OXR1: variants seen among roughly 807,000 people sequenced by gnomAD.
OXR1 encodes oxidation resistance protein 1.
Under a neutral mutation model 104.6 loss-of-function variants are expected in OXR1, and 41 were observed. That is an observed-to-expected ratio of 0.39 (90% CI 0.31 to 0.51). The LOEUF (loss-of-function observed/expected upper bound fraction) is 0.51. OXR1 is among the 20% of genes least tolerant of loss of function. The pLI is 0.77. For missense variants in OXR1, 955 were observed against 1,031.9 expected, an observed-to-expected ratio of 0.93 and a Z score of 1.02; for synonymous variants, 348 against 348.4, an observed-to-expected ratio of 1.00 and a Z score of 0.01.
chr8:106,352,785 A>G (rs1337748755), intron 1 of OXR1, among the ~76,000 whole-genome samples: 1 of 152,214 alleles, frequency 6.6e-6, no homozygotes, highest in Non-Finnish European at 1.5e-5. Context: ...AAGTAGATAG[A>G]TAGATATCGA....
intron 2 of OXR1, among the ~76,000 whole-genome samples, chr8:106,484,337 G>T (rs565088881): frequency 2.0e-5 from 3 of 152,134 alleles, no homozygotes; most frequent in South Asian, 2.1e-4. Context: ...AATGCTTGAG[G>T]TGATGGATAG....
chr8:106,362,259 G>A (rs951616360), intron 2 of OXR1, among the ~76,000 whole-genome samples: 3 of 152,156 alleles, frequency 2.0e-5, no homozygotes, highest in South Asian at 4.1e-4. Flanking sequence ...CTATGACATC[G>A]TATTAGTTGA....
At position 106,678,052 on chromosome 8, in the gene OXR1, A is replaced by G. The variant is rs557198190; in HGVS notation, c.221-1158A>G. Reference sequence around the variant, plus strand: ...AAATATTAACTTAACACTGTGTCAGATGCTGTGAAGGAGACATAAAGATGC... The same window carrying G: ...AAATATTAACTTAACACTGTGTCAGGTGCTGTGAAGGAGACATAAAGATGC... On this transcript the variant is annotated intron_variant, in intron 3 of 16. Transcript: ENST00000517566. Among the ~76,000 whole-genome samples the G allele has an allele frequency of 2.6e-5, 4 of 152,242 alleles. No individual in the cohort carries two copies. The South Asian group carries it at 8.3e-4, about 32-fold the overall frequency.
At chr8:106,639,672 TG>T (rs1260660302) in intron 3 of OXR1, among the ~76,000 whole-genome samples, 1 of 152,152 alleles carries the variant, frequency 6.6e-6, no homozygotes, top group Non-Finnish European at 1.5e-5. Flanking sequence ...TAGGGCAACT[TG>T]GCTAAGATTG....
At chr8:106,286,056 C>T (rs1475220318) in intron 1 of OXR1, among the ~76,000 whole-genome samples, 1 of 152,080 alleles carries the variant, frequency 6.6e-6, no homozygotes, top group African/African-American at 2.4e-5. Context: ...GTGAGTTGCT[C>T]AAGGATAGAT....
chr8:106,405,231 G>GTT (rs1818187651), intron 2 of OXR1, among the ~76,000 whole-genome samples: 1 of 126,108 alleles, frequency 7.9e-6, no homozygotes, highest in African/African-American at 3.3e-5. Flanking sequence ...GTGTGTGTGT[G>GTT]TGTGTGTGTA....
chr8:106,446,405 G>A (rs766657142), intron 2 of OXR1, among the ~76,000 whole-genome samples: 6 of 152,060 alleles, frequency 3.9e-5, no homozygotes, highest in Non-Finnish European at 5.9e-5. Flanking sequence ...AGATCACAAG[G>A]TCAGGAGTCC....
intron 3 of OXR1, among the ~76,000 whole-genome samples, chr8:106,666,880 G>C (rs941633029): frequency 1.3e-5 from 2 of 152,160 alleles, no homozygotes; most frequent in African/African-American, 2.4e-5. Context: ...CATAGGAGAA[G>C]GTTCAGCAGC....
At chr8:106,292,096 G>A (rs575384816) in intron 1 of OXR1, among the ~76,000 whole-genome samples, 16 of 152,216 alleles carry the variant, frequency 1.1e-4, no homozygotes, top group African/African-American at 2.6e-4. Flanking sequence ...TTTGTTCAGC[G>A]TATCCATGCT....
At chr8:106,521,337 A>C (rs1586752981) in intron 3 of OXR1, among the ~76,000 whole-genome samples, 1 of 152,192 alleles carries the variant, frequency 6.6e-6, no homozygotes, top group South Asian at 2.1e-4. Flanking sequence ...CAGCTTGGAC[A>C]GGTAAGTGTT....
chr8:106,290,708 A>T (rs1209997879), intron 1 of OXR1, among the ~76,000 whole-genome samples: 1 of 152,160 alleles, frequency 6.6e-6, no homozygotes, highest in Admixed American at 6.6e-5. Flanking sequence ...CATCATCACT[A>T]ATCAGCGTAG....
chr8:106,742,926 A>G (rs1208387129), intron 15 of OXR1, among the ~76,000 whole-genome samples: 1 of 152,214 alleles, frequency 6.6e-6, no homozygotes, highest in Non-Finnish European at 1.5e-5. Context: ...AGCAGTTGCA[A>G]CAGAAGCAAA....
intron 2 of OXR1, among the ~76,000 whole-genome samples, chr8:106,442,398 C>T (rs567544343): frequency 8.1e-4 from 123 of 152,028 alleles, no homozygotes; most frequent in Non-Finnish European, 1.6e-3. Flanking sequence ...TGTCTCTTCC[C>T]GGTTTTGGTG....
intron 3 of OXR1, among the ~76,000 whole-genome samples, chr8:106,631,584 G>T (rs1822690372): frequency 6.6e-6 from 1 of 152,118 alleles, no homozygotes; most frequent in African/African-American, 2.4e-5. Flanking sequence ...ATTGTTAAAG[G>T]TAAAATATTT....
intron 3 of OXR1, among the ~76,000 whole-genome samples, chr8:106,605,995 G>C (rs1029306505): frequency 6.6e-6 from 1 of 152,124 alleles, no homozygotes; most frequent in Admixed American, 6.5e-5. Flanking sequence ...GTGTTTACCA[G>C]ATGTATTATG....
intron 3 of OXR1, chr8:106,580,824 T>C (rs934342873): frequency 1.4e-4 from 27 of 192,846 alleles, no homozygotes; most frequent in Non-Finnish European, 1.9e-5. Flanking sequence ...TAAGCTAATA[T>C]TTTGTGAGCA....
intron 3 of OXR1, among the ~76,000 whole-genome samples, chr8:106,533,658 G>A (rs1298448738): frequency 6.6e-6 from 1 of 151,662 alleles, no homozygotes; most frequent in Non-Finnish European, 1.5e-5. Flanking sequence ...AATGGCTCAG[G>A]ACTTGAAGGC....
intron 2 of OXR1, among the ~76,000 whole-genome samples, chr8:106,402,290 C>T (rs1472077967): frequency 1.3e-5 from 2 of 152,208 alleles, no homozygotes; most frequent in Non-Finnish European, 2.9e-5. Flanking sequence ...CTAATCTTTG[C>T]AGTCCCTCCA....
At chr8:106,486,013 TAGAC>T (rs368436413) in intron 2 of OXR1, among the ~76,000 whole-genome samples, 8 of 151,980 alleles carry the variant, frequency 5.3e-5, no homozygotes, top group African/African-American at 9.7e-5. Flanking sequence ...AATTTTTTAT[TAGAC>T]AGGAGGAGTA....
Sources: allele counts gnomAD v4.1 joint callset (sites outside exome capture counted in the v4.1 genomes callset), GRCh38; gene constraint gnomAD v4.1.1; transcripts MANE v1.5; gene names NCBI Gene and HGNC (gene_info 2026-07-23, HGNC 2026-07-21).